TLL2: variants seen among roughly 807,000 people sequenced by gnomAD.
TLL2 encodes the protein tolloid-like protein 2.
In TLL2, 106 loss-of-function variants were observed where a neutral mutation model predicts 123.0. The observed-to-expected ratio is 0.86, with a 90% CI of 0.74 to 1.01. TLL2 has a LOEUF of 1.01. Among genes scored for constraint, TLL2 ranks in the 50% least tolerant of loss-of-function variants. TLL2 has a pLI of 0.00. For missense variants in TLL2, 1,332 were observed against 1,336.7 expected (o/e 1.00, Z 0.06); for synonymous variants, 494 against 516.8 (o/e 0.96, Z 0.60).
At chr10:96,376,418 CTGCAGA>C (rs1359784165) in intron 18 of TLL2, among the ~76,000 whole-genome samples, 1 of 152,276 alleles carries the variant, frequency 6.6e-6, no homozygotes, top group Non-Finnish European at 1.5e-5. Context: ...TCAAACAGCA[CTGCAGA>C]TGTGGGTGGT....
At position 96,384,623 on chromosome 10, in the gene TLL2, C is replaced by T. The variant is rs1194159154; in HGVS notation, c.2158G>A (p.Val720Ile). The T allele has an allele frequency of 4.4e-6, 7 of 1,605,388 alleles. No individual in the cohort carries two copies. Among genetic ancestry groups the T allele is most frequent in the Non-Finnish European group, 4.3e-6 (5 of 1,174,110 alleles). ...TGGGCCCTGAAGCCGCGCTTGGAGA[C>T]GGTGTTGTCGGACTTGAACTCCACG... is the stretch of plus-strand genomic sequence containing the variant. ...MRVEFKSDNT[V>I]SKRGFRAHFF... Residue 720 changes from valine (V) to isoleucine (I), a missense_variant, in exon 16 of 21, where the codon GTC becomes ATC. Coordinates refer to ENST00000357947, the MANE Select transcript of TLL2 (RefSeq NM_012465.4).
intron 16 of TLL2, among the ~76,000 whole-genome samples, chr10:96,382,951 G>C (rs1296824807): frequency 6.6e-6 from 1 of 152,162 alleles, no homozygotes; most frequent in Non-Finnish European, 1.5e-5. Flanking sequence ...TCTTCAGGTT[G>C]AAGTAGGAGT....
chr10:96,386,298 G>T (rs1846234737), intron 14 of TLL2, 83 bp from the exon 15 acceptor site: 5 of 1,342,106 alleles, frequency 3.7e-6, no homozygotes, highest in Non-Finnish European at 4.0e-6. Flanking sequence ...ATAGAGCCTT[G>T]CTGTTCTGTA....
intron 5 of TLL2, among the ~76,000 whole-genome samples, chr10:96,428,337 C>A (rs144973919): frequency 6.6e-6 from 1 of 152,280 alleles, no homozygotes; most frequent in Non-Finnish European, 1.5e-5. Context: ...GGGACACAAA[C>A]CCCAAGAGGT....
At chr10:96,412,774 A>G (rs1273329715) in intron 8 of TLL2, among the ~76,000 whole-genome samples, 1 of 151,192 alleles carries the variant, frequency 6.6e-6, no homozygotes, top group Admixed American at 6.6e-5. Flanking sequence ...ATTCTCCCTC[A>G]CTCTTTGTCT....
chr10:96,394,346 C>T (rs1846317453), intron 13 of TLL2, among the ~76,000 whole-genome samples: 1 of 152,216 alleles, frequency 6.6e-6, no homozygotes, highest in Non-Finnish European at 1.5e-5. Context: ...AGCAGCCATG[C>T]TTCCCTCTTA....
intron 1 of TLL2, among the ~76,000 whole-genome samples, chr10:96,506,236 A>G (rs977588051): frequency 3.1e-5 from 4 of 127,272 alleles, no homozygotes; most frequent in Non-Finnish European, 1.6e-5. Flanking sequence ...TGGATGACAG[A>G]GCGAGACCCC....
chr10:96,418,341 G>A (rs1162455868), intron 7 of TLL2, among the ~76,000 whole-genome samples: 2 of 152,236 alleles, frequency 1.3e-5, no homozygotes, highest in Non-Finnish European at 2.9e-5. Flanking sequence ...GCACGGAGCA[G>A]GCGGTGAGAA....
At chr10:96,438,770 A>G (rs1040716965) in intron 3 of TLL2, among the ~76,000 whole-genome samples, 1 of 152,234 alleles carries the variant, frequency 6.6e-6, no homozygotes, top group South Asian at 2.1e-4. Context: ...TCGACCATTG[A>G]GTATAATGTA....
chr10:96,404,460 C>T (rs907556197), intron 10 of TLL2, among the ~76,000 whole-genome samples: 1 of 152,156 alleles, frequency 6.6e-6, no homozygotes, highest in South Asian at 2.1e-4. Context: ...TACTCTATCA[C>T]CCTGAAATAA....
Position 96,451,869 on chromosome 10 carries a change from T to A in TLL2, c.287-5701A>T, listed in dbSNP as rs78612612. Among the ~76,000 whole-genome samples, 422 of 152,350 alleles carry A rather than the reference T, an allele frequency of 2.8e-3. 1 individual carries two copies. The highest frequency in any genetic ancestry group is 3.0e-3 in the Non-Finnish European group (202 of 68,044). On this transcript the variant is annotated intron_variant, in intron 2 of 20. Transcript: ENST00000357947. The stretch of plus-strand genomic sequence containing the variant: ...TAGACATTACATACTAAAGAAACCT[T>A]GCAGGACGGCAGCCTTAGCTCTCAT...
intron 1 of TLL2, among the ~76,000 whole-genome samples, chr10:96,488,362 C>T (rs1030548961): frequency 3.3e-5 from 5 of 152,222 alleles, no homozygotes; most frequent in Non-Finnish European, 4.4e-5. Flanking sequence ...CTGGCCCTTC[C>T]GCAGCACCTG....
At chr10:96,384,511 C>G in intron 16 of TLL2, 76 bp downstream of exon 16, 27 of 1,388,852 alleles carry the variant, frequency 1.9e-5, no homozygotes, top group Non-Finnish European at 2.6e-5. Context: ...GAGGAGGGGG[C>G]CAGGGACCCC....
At chr10:96,418,335 G>A (rs141187798) in intron 7 of TLL2, among the ~76,000 whole-genome samples, 2 of 152,202 alleles carry the variant, frequency 1.3e-5, no homozygotes, top group Admixed American at 6.5e-5. Context: ...TGCCTGGCAC[G>A]GAGCAGGCGG....
intron 3 of TLL2, among the ~76,000 whole-genome samples, chr10:96,434,021 C>T (rs142795712): frequency 7.0e-4 from 107 of 152,226 alleles, no homozygotes; most frequent in Non-Finnish European, 7.4e-5. Context: ...GTGATCCACC[C>T]GCCTAGGCCT....
At chr10:96,374,325 C>T (rs1484893766) in intron 18 of TLL2, 1 of 162,604 alleles carries the variant, frequency 6.1e-6, no homozygotes, top group Non-Finnish European at 1.3e-5. Flanking sequence ...AAATGAGGCT[C>T]ATCGCTGTCA....
chr10:96,452,753 A>G (rs1846973904), intron 2 of TLL2, among the ~76,000 whole-genome samples: 1 of 152,194 alleles, frequency 6.6e-6, no homozygotes, highest in South Asian at 2.1e-4. Context: ...GGGGAAGGGC[A>G]ATGAATGAAT....
At chr10:96,495,534 C>A (rs1004267403) in intron 1 of TLL2, among the ~76,000 whole-genome samples, 5 of 151,936 alleles carry the variant, frequency 3.3e-5, no homozygotes, top group Non-Finnish European at 7.4e-5. Flanking sequence ...TTTTGTAGTT[C>A]CACGCTATAA....
At chr10:96,422,423 C>T in intron 6 of TLL2, 126 bp downstream of exon 6, 1 of 1,145,684 alleles carries the variant, frequency 8.7e-7, no homozygotes, top group Non-Finnish European at 1.2e-6. Flanking sequence ...ACAACAGAGT[C>T]ATTGCTCCAT....
Sources: allele counts gnomAD v4.1 joint callset (sites outside exome capture counted in the v4.1 genomes callset), GRCh38; gene constraint gnomAD v4.1.1; transcripts MANE v1.5; gene names NCBI Gene and HGNC (gene_info 2026-07-23, HGNC 2026-07-21).